Variants in CNKSR3 observed in about 807,000 individuals in gnomAD.
The protein encoded by CNKSR3 is connector enhancer of kinase suppressor of ras 3.
In CNKSR3, 36 loss-of-function variants were observed where a neutral mutation model predicts 67.7. The observed-to-expected ratio is 0.53, with a 90% CI of 0.41 to 0.70. The LOEUF (loss-of-function observed/expected upper bound fraction) is 0.70, where lower values mean the gene tolerates loss of function less well. Ranked by LOEUF, CNKSR3 falls within the 30% of genes least tolerant of loss-of-function variation. The probability of loss-of-function intolerance (pLI) is 0.00; values close to 1 mark genes in which losing one functional copy is unlikely to be tolerated. For synonymous variants in CNKSR3, 281 were observed against 271.4 expected, an observed-to-expected ratio of 1.04 and a Z score of -0.35; for missense variants, 630 against 695.2, an observed-to-expected ratio of 0.91 and a Z score of 1.05.
At chr6:154,418,026 T>G (rs1243601479) in intron 9 of CNKSR3, among the ~76,000 whole-genome samples, 1 of 152,172 alleles carries the variant, frequency 6.6e-6, no homozygotes, top group Non-Finnish European at 1.5e-5. Flanking sequence ...GCTACTCATT[T>G]CTTCTGGTAG....
At chr6:154,437,192 T>C (rs1358776581) in intron 4 of CNKSR3, among the ~76,000 whole-genome samples, 2 of 152,084 alleles carry the variant, frequency 1.3e-5, no homozygotes, top group Non-Finnish European at 2.9e-5. Context: ...AAGGAATAAA[T>C]GGCAAAGACA....
At chr6:154,420,258 CAG>C (rs1785112677) in intron 9 of CNKSR3, among the ~76,000 whole-genome samples, 1 of 149,832 alleles carries the variant, frequency 6.7e-6, no homozygotes, top group African/African-American at 2.5e-5. Context: ...CTCTTAGAAA[CAG>C]AGAGTAGAAT....
intron 1 of CNKSR3, among the ~76,000 whole-genome samples, chr6:154,492,734 G>T (rs1786803955): frequency 6.9e-6 from 1 of 145,020 alleles, no homozygotes; most frequent in African/African-American, 2.6e-5. Context: ...TGACAGAGTG[G>T]GACTCTGTCT....
chr6:154,489,381 A>C (rs1338093352), intron 1 of CNKSR3, among the ~76,000 whole-genome samples: 2 of 152,144 alleles, frequency 1.3e-5, no homozygotes, highest in Non-Finnish European at 2.9e-5. Flanking sequence ...AAATACAAAA[A>C]TTAGCCTGGT....
intron 1 of CNKSR3, among the ~76,000 whole-genome samples, chr6:154,487,830 T>C (rs1225394290): frequency 1.3e-5 from 2 of 152,234 alleles, no homozygotes; most frequent in African/African-American, 4.8e-5. Context: ...CCTTCTTCCC[T>C]GTCAAATATT....
At chr6:154,430,370 G>A (rs1421397303) in intron 6 of CNKSR3, 102 bp downstream of exon 6, 2 of 1,065,698 alleles carry the variant, frequency 1.9e-6, no homozygotes, top group Non-Finnish European at 2.7e-6. Context: ...AATTAATTCT[G>A]CTTTTCAGAA....
intron 1 of CNKSR3, among the ~76,000 whole-genome samples, chr6:154,499,334 G>A (rs545512480): frequency 6.6e-6 from 1 of 152,172 alleles, no homozygotes; most frequent in Non-Finnish European, 1.5e-5. Context: ...CACATGAGTG[G>A]TGTAGACCCC....
At chr6:154,475,674 C>T (rs1786430830) in intron 1 of CNKSR3, among the ~76,000 whole-genome samples, 1 of 152,176 alleles carries the variant, frequency 6.6e-6, no homozygotes, top group Non-Finnish European at 1.5e-5. Context: ...CAGGAGGACT[C>T]CCCAGCCCTA....
At chr6:154,462,769 A>G (rs967911422) in intron 1 of CNKSR3, among the ~76,000 whole-genome samples, 5 of 152,170 alleles carry the variant, frequency 3.3e-5, no homozygotes, top group African/African-American at 9.7e-5. Flanking sequence ...GGAGCCCAGC[A>G]TTCTGTTATT....
chr6:154,428,236 CAT>C (rs761559497), intron 6 of CNKSR3, 49 bp from the exon 7 acceptor site: 11 of 1,189,274 alleles, frequency 9.2e-6, no homozygotes, highest in Non-Finnish European at 1.3e-5. Context: ...CGTTTAGAGA[CAT>C]AGCCCCGAGT....
At chr6:154,467,526 T>G (rs1307222268) in intron 1 of CNKSR3, among the ~76,000 whole-genome samples, 1 of 152,130 alleles carries the variant, frequency 6.6e-6, no homozygotes, top group Non-Finnish European at 1.5e-5. Flanking sequence ...CACAGCTGTT[T>G]AGTGACTTAA....
intron 4 of CNKSR3, among the ~76,000 whole-genome samples, chr6:154,435,580 G>A (rs1490424947): frequency 2.6e-5 from 4 of 152,370 alleles, no homozygotes; most frequent in East Asian, 1.9e-4. Context: ...CACTGTGAAC[G>A]TGGTTCCCAC....
intron 4 of CNKSR3, 68 bp from the exon 5 acceptor site, chr6:154,433,575 A>G: frequency 2.5e-6 from 3 of 1,201,760 alleles, no homozygotes; most frequent in South Asian, 2.6e-5. Flanking sequence ...CTGTTGGCCT[A>G]GCTTTCTAGA....
In CNKSR3 at chr6:154,422,694, T is replaced by C. The variant is rs371711262; in HGVS notation, c.799-42A>G. The stretch of plus-strand genomic sequence containing the variant: ...TGGGGAGGGAAGACTTGCTCATGAA[T>C]AACGAAAAAAACCGAACCTATGAAT... On this transcript the variant is annotated intron_variant, in intron 8 of 12. Transcript: ENST00000607772. 3.7e-6 allele frequency: 6 copies of C among 1,606,186 alleles called. No homozygotes were observed. The African/African-American group carries it at 6.7e-5, about 18-fold the overall frequency.
At chr6:154,437,459 G>A (rs571460469) in intron 4 of CNKSR3, among the ~76,000 whole-genome samples, 38 of 118,378 alleles carry the variant, frequency 3.2e-4, no homozygotes, top group Admixed American at 7.1e-4. Context: ...TTTCACCCAC[G>A]CTGGAGTGAA....
At chr6:154,477,308 T>C (rs1415638022) in intron 1 of CNKSR3, among the ~76,000 whole-genome samples, 1 of 151,932 alleles carries the variant, frequency 6.6e-6, no homozygotes. Flanking sequence ...TTCTTTGTAA[T>C]TTTTATTTTT....
chr6:154,441,242 C>CAAAAAAAAAAAAAAAAAA (rs34887626), intron 4 of CNKSR3, 50 bp downstream of exon 4: 3 of 847,480 alleles, frequency 3.5e-6, no homozygotes, highest in African/African-American at 2.2e-5. Flanking sequence ...AGAGGAAAAG[C>CAAAAAAAAAAAAAAAAAA]AAAAAAAAAA....
At chr6:154,436,276 A>G (rs560970380) in intron 4 of CNKSR3, among the ~76,000 whole-genome samples, 3 of 152,142 alleles carry the variant, frequency 2.0e-5, no homozygotes, top group Non-Finnish European at 4.4e-5. Flanking sequence ...AGCTCAAGCA[A>G]TCCTCCCACC....
At chr6:154,450,362 A>G in intron 1 of CNKSR3, 104 bp from the exon 2 acceptor site, 2 of 1,176,284 alleles carry the variant, frequency 1.7e-6, no homozygotes, top group Non-Finnish European at 2.4e-6. Flanking sequence ...AACAATTATG[A>G]TGCCACTATC....
Sources: gnomAD v4.1 joint callset for allele counts (sites outside exome capture counted in the v4.1 genomes callset) on GRCh38, gnomAD v4.1.1 for gene constraint, MANE v1.5 for transcripts, NCBI Gene and HGNC (gene_info 2026-07-23, HGNC 2026-07-21) for gene names.